HAUS8: variants seen among roughly 807,000 people sequenced by gnomAD.
The protein encoded by HAUS8 is HAUS augmin-like complex subunit 8.
A neutral mutation model predicts 42.9 loss-of-function variants in HAUS8; 38 were observed. That is an observed-to-expected ratio of 0.89 (90% CI 0.68 to 1.16). The LOEUF is 1.16. Among genes scored for constraint, HAUS8 ranks in the 50% most tolerant of loss-of-function variants. The pLI is 0.00. For missense variants in HAUS8, 494 were observed against 511.6 expected, an observed-to-expected ratio of 0.97 and a Z score of 0.33; for synonymous variants, 199 against 205.8, an observed-to-expected ratio of 0.97 and a Z score of 0.28.
At chr19:17,063,718 C>A (rs1024872465) in intron 3 of HAUS8, among the ~76,000 whole-genome samples, 2 of 152,132 alleles carry the variant, frequency 1.3e-5, no homozygotes, top group South Asian at 4.2e-4. Flanking sequence ...GGCCTGAATA[C>A]AACAAAACAG....
In HAUS8 at chr19:17,050,065, A is replaced by G. The variant is rs374516237; in HGVS notation, c.1041T>C (p.Tyr347=). ...TQGMAPPSRW[Y]FNQDSACRES... ...CTCTGCAGGCACTGTCTTGATTGAA[A>G]TACCACCGGCTGGGGGGCGCCATGC... Residue 347 remains tyrosine (Y), a synonymous_variant, in exon 11 of 11, where the codon TAT becomes TAC. Transcript: ENST00000253669. 2.5e-6 allele frequency: 4 copies of G among 1,604,564 alleles called. No homozygotes were observed. The African/African-American group carries it at 5.4e-5, about 22-fold the overall frequency.
rs111542582 is a variant in HAUS8, at chr19:17,055,590, G to C, written c.787+271C>G. On this transcript the variant is annotated intron_variant, in intron 9 of 10. Coordinates refer to ENST00000253669, the MANE Select transcript of HAUS8 (RefSeq NM_033417.2). ...AACCACTACGGCATATTTGTTGGGA[G>C]CAGGACTCAGGAGACTACAGGTCGT... Among the ~76,000 whole-genome samples, 558 of 152,196 alleles carry C rather than the reference G, an allele frequency of 3.7e-3. 3 individuals are homozygous for C. Among genetic ancestry groups the C allele is most frequent in the African/African-American group, 0.013 (535 of 41,514 alleles).
intron 2 of HAUS8, among the ~76,000 whole-genome samples, chr19:17,072,251 T>C (rs1363807568): frequency 2.0e-5 from 3 of 151,646 alleles, no homozygotes; most frequent in African/African-American, 7.3e-5. Context: ...CCTGCGACAC[T>C]GCACACACTG....
intron 1 of HAUS8, chr19:17,074,794 C>T (rs1460799650): frequency 6.6e-6 from 1 of 152,380 alleles, no homozygotes; most frequent in African/African-American, 2.4e-5. Context: ...TCAACACTGG[C>T]AGAATTAACA....
chr19:17,060,477 C>T (rs7249540), intron 4 of HAUS8, among the ~76,000 whole-genome samples: 8,121 of 152,250 alleles, frequency 0.053, 730 homozygotes, highest in African/African-American at 0.18. Flanking sequence ...GGTGCAATCT[C>T]GGCTCACTGC....
intron 2 of HAUS8, among the ~76,000 whole-genome samples, chr19:17,070,836 A>G (rs1450226898): frequency 1.3e-5 from 2 of 152,222 alleles, no homozygotes; most frequent in Non-Finnish European, 2.9e-5. Context: ...TTGGGAGGCC[A>G]AGGCAGGCGG....
chr19:17,058,434 C>T, intron 8 of HAUS8, 115 bp downstream of exon 8: 5 of 1,058,118 alleles, frequency 4.7e-6, no homozygotes, highest in African/African-American at 1.6e-5. Flanking sequence ...AAAAGCCCAA[C>T]ACAGTTAGAA....
intron 9 of HAUS8, chr19:17,053,389 C>T (rs1179078911): frequency 1.5e-5 from 3 of 195,190 alleles, no homozygotes; most frequent in South Asian, 9.4e-5. Flanking sequence ...TAGGACAACA[C>T]GCCTCTCTAC....
chr19:17,053,891 C>T (rs535015574), intron 9 of HAUS8, among the ~76,000 whole-genome samples: 33 of 152,160 alleles, frequency 2.2e-4, no homozygotes, highest in Admixed American at 1.4e-3. Context: ...TATTGAACTA[C>T]TGACCTCGTG....
At chr19:17,057,382 G>A (rs1176042770) in intron 8 of HAUS8, among the ~76,000 whole-genome samples, 1 of 151,966 alleles carries the variant, frequency 6.6e-6, no homozygotes, top group East Asian at 1.9e-4. Flanking sequence ...GTAGAGATTG[G>A]GTGTCACTAT....
intron 8 of HAUS8, among the ~76,000 whole-genome samples, chr19:17,056,571 A>G (rs1201837939): frequency 2.6e-5 from 4 of 151,968 alleles, no homozygotes; most frequent in Admixed American, 2.6e-4. Context: ...AGACACACAT[A>G]CAGACACACA....
intron 10 of HAUS8, 29 bp from the exon 11 acceptor site, chr19:17,050,205 C>T: frequency 6.9e-7 from 1 of 1,457,764 alleles, no homozygotes; most frequent in South Asian, 1.5e-5. Flanking sequence ...AGAATAACGG[C>T]TTTCACCCTC....
chr19:17,049,989 C>A lies in HAUS8; in HGVS notation c.1117G>T (p.Gly373Cys). 1 of 1,601,754 alleles carries A rather than the reference C, an allele frequency of 6.2e-7. No homozygotes were observed. Reference sequence around the variant, plus strand: ...GCCTGAGCGGGGGCTGACGAGGCACCCGGGTTGTCGTCCTCAGACAGGGGC... The same window carrying A: ...GCCTGAGCGGGGGCTGACGAGGCACACGGGTTGTCGTCCTCAGACAGGGGC... ...NTPLSEDDNPGASSAPAQATF... is the reference protein window; with the variant it reads ...NTPLSEDDNPCASSAPAQATF... The change falls in exon 11 of 11, where the codon GGT (glycine) becomes TGT (cysteine). Residue 373 changes from glycine (G) to cysteine (C), a missense_variant. Physicochemically the swap from Gly to Cys is radical, Grantham distance 159. Transcript: ENST00000253669.
intron 8 of HAUS8, 81 bp downstream of exon 8, chr19:17,058,468 C>G: frequency 7.3e-7 from 1 of 1,375,248 alleles, no homozygotes; most frequent in Non-Finnish European, 9.9e-7. Context: ...GATACCCTAG[C>G]ACGAATGCTA....
At chr19:17,069,220 C>T (rs1378206115) in intron 2 of HAUS8, 134 bp from the exon 3 acceptor site, 1 of 747,252 alleles carries the variant, frequency 1.3e-6, no homozygotes, top group Non-Finnish European at 2.4e-6. Context: ...GAGGTCACCA[C>T]TCCTCCTGCT....
chr19:17,056,992 G>A (rs1318535906), intron 8 of HAUS8, among the ~76,000 whole-genome samples: 2 of 152,166 alleles, frequency 1.3e-5, no homozygotes, highest in Non-Finnish European at 2.9e-5. Context: ...CAAACCTCTT[G>A]CCTCAGCTTC....
rs1410481964 is a variant in HAUS8, at chr19:17,073,509, CCCTGGTCA to C, written c.30-182_30-175del. 3.1e-5 allele frequency: 20 copies of C among 655,382 alleles called. No individual in the cohort carries two copies. The African/African-American group carries it at 3.2e-4, about 11-fold the overall frequency. 40.6% of individuals were successfully genotyped at this position (655,382 alleles called of 1,614,324 possible). A position where few individuals can be genotyped will look rare whatever the true frequency, so the allele number is the denominator to read the frequency against. On this transcript the variant is annotated intron_variant, in intron 1 of 10. Transcript: ENST00000253669. ...GAAAAGGGACACAAGGAGCAGCCAG[CCCTGGTCA>C]CCTGGGCAAGAAGGCATAGGTGAAC...
At chr19:17,061,418 T>C (rs2057360208) in intron 4 of HAUS8, among the ~76,000 whole-genome samples, 1 of 152,192 alleles carries the variant, frequency 6.6e-6, no homozygotes, top group African/African-American at 2.4e-5. Context: ...ATTACAGGCG[T>C]GAGCCACCAC....
At chr19:17,064,916 G>C (rs2123375391) in intron 3 of HAUS8, among the ~76,000 whole-genome samples, 1 of 152,296 alleles carries the variant, frequency 6.6e-6, no homozygotes, top group East Asian at 1.9e-4. Context: ...AGCATGAAAA[G>C]ACAAGCCAGA....
Sources: allele counts gnomAD v4.1 joint callset (sites outside exome capture counted in the v4.1 genomes callset), GRCh38; gene constraint gnomAD v4.1.1; transcripts MANE v1.5; gene names NCBI Gene and HGNC (gene_info 2026-07-23, HGNC 2026-07-21).